OXCT1: variants seen among roughly 807,000 people sequenced by gnomAD.
The protein encoded by OXCT1 is 3-oxoacid CoA-transferase 1, also known as succinyl-CoA:3-ketoacid coenzyme A transferase 1, mitochondrial.
OXCT1 carries 27 observed loss-of-function variants against 69.6 expected under a neutral mutation model. The observed-to-expected ratio is 0.39, with a 90% CI of 0.29 to 0.54. The LOEUF is 0.54. Ranked by LOEUF, OXCT1 falls within the 20% of genes least tolerant of loss-of-function variation. OXCT1 has a pLI of 0.72. For missense variants in OXCT1, 437 were observed against 650.2 expected, an observed-to-expected ratio of 0.67 and a Z score of 3.57; for synonymous variants, 202 against 217.8, an observed-to-expected ratio of 0.93 and a Z score of 0.64.
At chr5:41,861,028 A>G (rs932238596) in intron 3 of OXCT1, among the ~76,000 whole-genome samples, 25 of 152,176 alleles carry the variant, frequency 1.6e-4, no homozygotes, top group Admixed American at 2.6e-4. Context: ...TCTAACTTCA[A>G]TACATTTTAA....
At chr5:41,763,081 A>C (rs1235318531) in intron 13 of OXCT1, among the ~76,000 whole-genome samples, 1 of 152,144 alleles carries the variant, frequency 6.6e-6, no homozygotes, top group Non-Finnish European at 1.5e-5. Context: ...GTAAAGTCTT[A>C]GAGGGCTCTT....
intron 15 of OXCT1, chr5:41,739,788 G>A (rs1047183052): frequency 1.0e-4 from 35 of 348,866 alleles, no homozygotes; most frequent in East Asian, 2.9e-4. Context: ...GGAGAATGGC[G>A]TGAACCCGAG....
chr5:41,754,162 TTTTAA>T (rs1743948351), intron 14 of OXCT1, among the ~76,000 whole-genome samples: 1 of 152,158 alleles, frequency 6.6e-6, no homozygotes, highest in Non-Finnish European at 1.5e-5. Flanking sequence ...CAAGGGCTTC[TTTTAA>T]TTTAATATTC....
chr5:41,859,889 A>AATATATATATATATAT (rs113518106), intron 3 of OXCT1, among the ~76,000 whole-genome samples: 1 of 88,660 alleles, frequency 1.1e-5, no homozygotes, highest in African/African-American at 3.4e-5. Context: ...ATATATATGT[A>AATATATATATATATAT]ATATATATAT....
chr5:41,799,675 C>G (rs1746339460), intron 11 of OXCT1, among the ~76,000 whole-genome samples: 1 of 152,150 alleles, frequency 6.6e-6, no homozygotes, highest in Non-Finnish European at 1.5e-5. Context: ...TTAATTAAAC[C>G]AAGCAGCAAA....
intron 14 of OXCT1, among the ~76,000 whole-genome samples, chr5:41,752,250 C>G (rs558725516): frequency 1.5e-4 from 23 of 152,234 alleles, no homozygotes; most frequent in East Asian, 1.4e-3. Flanking sequence ...TGCCATAGTT[C>G]TCTCTTATCC....
chr5:41,859,885 A>ATG (rs1459635208), intron 3 of OXCT1, among the ~76,000 whole-genome samples: 2 of 116,316 alleles, frequency 1.7e-5, no homozygotes, highest in African/African-American at 5.8e-5. Context: ...ATATATATAT[A>ATG]TGTAATATAT....
chr5:41,870,199 G>A lies in OXCT1; in HGVS notation c.78+82C>T. On this transcript the variant is annotated intron_variant, in intron 1 of 16. Coordinates refer to ENST00000196371, the MANE Select transcript of OXCT1 (RefSeq NM_000436.4). This position sits in a 1 kb window ranked among gnomAD's most constrained non-coding sequence, Gnocchi z 4.2. ...CCCAGGCTGGAGAGAGCGGGTAGGG[G>A]CAGAGAAGAAAACGCGGGCACCACT... 9.4e-7 allele frequency: 1 copy of A among 1,059,328 alleles called. No homozygotes were observed. Among genetic ancestry groups the A allele is most frequent in the Non-Finnish European group, 1.5e-6 (1 of 684,210 alleles). The allele number at this position is 1,059,328 out of a possible 1,614,324, so 65.6% of individuals were successfully genotyped here.
At position 41,730,698 on chromosome 5, in the gene OXCT1, A is replaced by G. The variant is rs990201689; in HGVS notation, c.*1031T>C. ...CCACCATGTTTATTCCCTGACACTA[A>G]AAGTTCACTGACTCTTCAAATCCTA... On this transcript the variant is annotated 3_prime_UTR_variant, in exon 17 of 17. Coordinates refer to ENST00000196371, the MANE Select transcript of OXCT1 (RefSeq NM_000436.4). 6.6e-6 allele frequency: 1 copy of G among 152,110 alleles called. No homozygotes were observed. Among genetic ancestry groups the G allele is most frequent in the Non-Finnish European group, 1.5e-5 (1 of 68,014 alleles). 9.4% of individuals were successfully genotyped at this position (152,110 alleles called of 1,614,324 possible). A position where few individuals can be genotyped will look rare whatever the true frequency, so the allele number is the denominator to read the frequency against.
chr5:41,777,890 A>C (rs763339284), intron 13 of OXCT1, among the ~76,000 whole-genome samples: 14 of 152,222 alleles, frequency 9.2e-5, no homozygotes, highest in Non-Finnish European at 2.9e-5. Flanking sequence ...TGTTTTCATG[A>C]AGTTATGGCA....
In OXCT1 at chr5:41,842,566, G is replaced by C. The variant is rs954410732; in HGVS notation, c.671+109C>G. The C allele has an allele frequency of 6.1e-6, 5 of 815,522 alleles. No homozygotes were observed. The African/African-American group carries it at 8.4e-5, about 14-fold the overall frequency. The allele number at this position is 815,522 out of a possible 1,614,324, so 50.5% of individuals were successfully genotyped here. ...ATATATGTGCAATACACATGGGCAT[G>C]TATGATTTTGGGCCATTACGAAAAT... On this transcript the variant is annotated intron_variant, in intron 6 of 16. Transcript: ENST00000196371.
At chr5:41,866,196 C>A (rs1052952015) in intron 1 of OXCT1, among the ~76,000 whole-genome samples, 1 of 152,092 alleles carries the variant, frequency 6.6e-6, no homozygotes, top group African/African-American at 2.4e-5. Context: ...GTAAGACCAA[C>A]TTGTCATTTA....
intron 14 of OXCT1, among the ~76,000 whole-genome samples, chr5:41,759,751 C>A (rs1744258452): frequency 6.6e-6 from 1 of 152,042 alleles, no homozygotes; most frequent in Admixed American, 6.6e-5. Flanking sequence ...TTAACTGTAA[C>A]CCTATCGATA....
chr5:41,813,942 A>T (rs888304809), intron 7 of OXCT1, among the ~76,000 whole-genome samples: 1 of 152,128 alleles, frequency 6.6e-6, no homozygotes, highest in Non-Finnish European at 1.5e-5. Flanking sequence ...ACTATTAACT[A>T]TATAAATACT....
intron 1 of OXCT1, among the ~76,000 whole-genome samples, chr5:41,869,540 G>A (rs894041091): frequency 2.0e-5 from 3 of 152,212 alleles, no homozygotes; most frequent in Non-Finnish European, 4.4e-5. Context: ...GCACAAAAAG[G>A]ATTTCAAAGG....
chr5:41,753,191 A>G (rs1403617473), intron 14 of OXCT1, among the ~76,000 whole-genome samples: 1 of 152,032 alleles, frequency 6.6e-6, no homozygotes, highest in Non-Finnish European at 1.5e-5. Flanking sequence ...TTCACCTGAA[A>G]TCTTTAAGAC....
At chr5:41,793,097 A>T (rs1281241019) in intron 13 of OXCT1, among the ~76,000 whole-genome samples, 1 of 152,238 alleles carries the variant, frequency 6.6e-6, no homozygotes, top group Non-Finnish European at 1.5e-5. Context: ...GACTAACATG[A>T]TCTCTAACAT....
intron 3 of OXCT1, among the ~76,000 whole-genome samples, chr5:41,860,584 A>G (rs1029120771): frequency 1.8e-4 from 27 of 152,182 alleles, no homozygotes; most frequent in Non-Finnish European, 3.2e-4. Context: ...AACCTACACT[A>G]TTTATTCTAA....
In OXCT1 at chr5:41,870,324, CG is replaced by C; in HGVS notation, c.34del (p.Arg12GlyfsTer36). On this transcript the variant is annotated frameshift_variant, in exon 1 of 17. Coordinates refer to ENST00000196371, the MANE Select transcript of OXCT1 (RefSeq NM_000436.4). LOFTEE classifies it high-confidence loss of function. This position sits in a 1 kb window ranked among gnomAD's most constrained non-coding sequence, Gnocchi z 4.2. ...AGATCCGCGGGCAGAGGCGCAGAGC[CG>C]AAGCCCGGAGGAGAGGAGTTTGAGA... ...AALKLLSSGL[R>X]LCASARGSGA... 6.2e-7 allele frequency: 1 copy of C among 1,613,968 alleles called. No homozygotes were observed. Among genetic ancestry groups the C allele is most frequent in the Non-Finnish European group, 8.5e-7 (1 of 1,179,940 alleles).
Sources: allele counts gnomAD v4.1 joint callset (sites outside exome capture counted in the v4.1 genomes callset), GRCh38; gene constraint gnomAD v4.1.1; non-coding constraint Gnocchi (gnomAD v3.1); transcripts MANE v1.5; gene names NCBI Gene and HGNC (gene_info 2026-07-23, HGNC 2026-07-21).